Variants in CEACAM20 observed in about 807,000 individuals in gnomAD.
CEACAM20 encodes the protein cell adhesion molecule CEACAM20.
Under a neutral mutation model 61.2 loss-of-function variants are expected in CEACAM20, and 50 were observed. The ratio of observed to expected loss-of-function variants is 0.82; its 90% CI spans 0.65 to 1.03. CEACAM20 has a LOEUF of 1.03. CEACAM20 is among the 50% of genes least tolerant of loss of function. The pLI, the probability that CEACAM20 is intolerant of heterozygous loss-of-function variation, is 0.00. For synonymous variants in CEACAM20, 282 were observed against 287.7 expected (o/e 0.98, Z 0.20); for missense variants, 683 against 736.4 (o/e 0.93, Z 0.84).
At chr19:44,506,444 G>A (rs774177660) in intron 11 of CEACAM20, among the ~76,000 whole-genome samples, 5 of 152,142 alleles carry the variant, frequency 3.3e-5, no homozygotes, top group African/African-American at 4.8e-5. Flanking sequence ...CATAATCCCT[G>A]CCTCCTGGTA....
At position 44,520,335 on chromosome 19, in the gene CEACAM20, T is replaced by C. The variant is rs1232972269; in HGVS notation, c.1030+139A>G. 3.5e-6 allele frequency: 4 copies of C among 1,128,538 alleles called. No homozygotes were observed. In the African/African-American group the frequency reaches 4.7e-5, roughly 13 times the overall value. The allele number at this position is 1,128,538 out of a possible 1,614,324, so 69.9% of individuals were successfully genotyped here. A position where few individuals can be genotyped will look rare whatever the true frequency, so the allele number is the denominator to read the frequency against. On this transcript the variant is annotated intron_variant, in intron 5 of 11. Coordinates refer to ENST00000614924, the MANE Select transcript of CEACAM20 (RefSeq NM_001102597.3). ...CATAAGCCCCCTGAGGGCAGGCACT[T>C]GGCCCTGTCCAGTGCCCAGATTCAT...
chr19:44,507,362 A>C (rs1472226220), intron 11 of CEACAM20, among the ~76,000 whole-genome samples: 1 of 152,230 alleles, frequency 6.6e-6, no homozygotes, highest in Non-Finnish European at 1.5e-5. Flanking sequence ...AAAACTAAAC[A>C]TGATCCATAC....
In CEACAM20 at chr19:44,520,769, A is replaced by G. The variant is rs1269542454; in HGVS notation, c.752-17T>C. 1.9e-6 allele frequency: 3 copies of G among 1,606,644 alleles called. No individual in the cohort carries two copies. Among genetic ancestry groups the G allele is most frequent in the Non-Finnish European group, 1.7e-6 (2 of 1,176,434 alleles). On this transcript the variant is annotated splice_polypyrimidine_tract_variant and intron_variant, in intron 4 of 11. Coordinates refer to ENST00000614924, the MANE Select transcript of CEACAM20 (RefSeq NM_001102597.3). ...TCAGTGTTTCTGGAAACACGTGGAG[A>G]TACACAGTCAGGTTCAGGGAGATTT...
At chr19:44,508,710 G>C (rs1212818201) in intron 11 of CEACAM20, among the ~76,000 whole-genome samples, 1 of 152,074 alleles carries the variant, frequency 6.6e-6, no homozygotes, top group Non-Finnish European at 1.5e-5. Context: ...CTTTTTGAAT[G>C]ATGTAACTAA....
rs1240201219 is a variant in CEACAM20 at position 44,528,158 on chromosome 19, T to TTTTCTTTCTTTCTTTCC, written c.52+1299_52+1300insGGAAAGAAAGAAAGAAA. On this transcript the variant is annotated intron_variant, in intron 1 of 11. Transcript: ENST00000614924. ...TCTCTTTCTTTCTTTTCTTTCTTTC[T>TTTTCTTTCTTTCTTTCC]TTTCTTTCTTTCCTTTCTTTCTTTC... Among the ~76,000 whole-genome samples, 335 of 124,822 alleles carry TTTTCTTTCTTTCTTTCC rather than the reference T, an allele frequency of 2.7e-3. 8 individuals carry two copies. Among genetic ancestry groups the TTTTCTTTCTTTCTTTCC allele is most frequent in the African/African-American group, 8.7e-3 (310 of 35,540 alleles). 81.9% of individuals were successfully genotyped at this position (124,822 alleles called of 152,430 possible). A position where few individuals can be genotyped will look rare whatever the true frequency, so the allele number is the denominator to read the frequency against.
At chr19:44,506,401 C>T (rs977932694) in intron 11 of CEACAM20, among the ~76,000 whole-genome samples, 187 bp from the exon 12 acceptor site, 1 of 152,186 alleles carries the variant, frequency 6.6e-6, no homozygotes, top group Admixed American at 6.5e-5. Flanking sequence ...CATGTACTTC[C>T]CCACTGTGGT....
At position 44,506,191 on chromosome 19, in the gene CEACAM20, G is replaced by T; in HGVS notation, c.1761C>A (p.Asn587Lys). The T allele has an allele frequency of 2.5e-6, 4 of 1,613,852 alleles. No homozygotes were observed. Among genetic ancestry groups the T allele is most frequent in the African/African-American group, 1.3e-5 (1 of 75,026 alleles). ...CGGAGGGGTTGATTTGGATGTAAGT[G>T]TTGGGCTCTGGATTCACAAGCTCCT... ...IYEELVNPEP[N>K]TYIQINPSV The change falls in exon 12 of 12, where the codon AAC becomes AAA. Residue 587 changes from asparagine to lysine, a missense_variant. Coordinates refer to ENST00000614924, the MANE Select transcript of CEACAM20 (RefSeq NM_001102597.3).
At chr19:44,527,513 T>G (rs763761453) in intron 1 of CEACAM20, among the ~76,000 whole-genome samples, 3 of 152,030 alleles carry the variant, frequency 2.0e-5, no homozygotes, top group Non-Finnish European at 4.4e-5. Flanking sequence ...ATAAGTGAAA[T>G]GATGTAAGCA....
chr19:44,511,867 A>C (rs1971011005), intron 9 of CEACAM20, 150 bp downstream of exon 9: 1 of 879,580 alleles, frequency 1.1e-6, no homozygotes, highest in African/African-American at 1.7e-5. Flanking sequence ...GGGTCTTGAG[A>C]TCCTCAGAGA....
chr19:44,510,601 A>G lies in CEACAM20; in HGVS notation c.1737+429T>C, dbSNP rs1306642821. 8.8e-3 allele frequency among the ~76,000 whole-genome samples: 666 copies of G among 76,050 alleles called. 26 individuals are homozygous for G. The highest frequency in any genetic ancestry group is 0.043 in the African/African-American group (579 of 13,594). 49.9% of individuals were successfully genotyped at this position (76,050 alleles called of 152,430 possible). A position where few individuals can be genotyped will look rare whatever the true frequency, so the allele number is the denominator to read the frequency against. ...GAAAGAAAGAAAGAAAGAAAGAAAG[A>G]AAGAAAGAAAAAGGAAGGAAGGAAG... On this transcript the variant is annotated intron_variant, in intron 11 of 11. Coordinates refer to ENST00000614924, the MANE Select transcript of CEACAM20 (RefSeq NM_001102597.3).
intron 1 of CEACAM20, among the ~76,000 whole-genome samples, chr19:44,526,955 C>T (rs1971548883): frequency 6.6e-6 from 1 of 152,032 alleles, no homozygotes; most frequent in South Asian, 2.1e-4. Flanking sequence ...CGCAACTGAT[C>T]TCATCTCTCC....
intron 8 of CEACAM20, among the ~76,000 whole-genome samples, chr19:44,512,530 A>T (rs1316748412): frequency 6.6e-6 from 1 of 152,186 alleles, no homozygotes; most frequent in Non-Finnish European, 1.5e-5. Flanking sequence ...CTCTACTGAG[A>T]TATGTTATGA....
intron 11 of CEACAM20, among the ~76,000 whole-genome samples, chr19:44,509,403 T>C (rs564959081): frequency 6.7e-6 from 1 of 148,428 alleles, no homozygotes; most frequent in Admixed American, 6.7e-5. Flanking sequence ...TGCCATGGAA[T>C]ATAAAATAAT....
intron 6 of CEACAM20, among the ~76,000 whole-genome samples, chr19:44,513,614 T>G (rs1971075089): frequency 6.6e-6 from 1 of 151,722 alleles, no homozygotes; most frequent in Non-Finnish European, 1.5e-5. Flanking sequence ...TTTTTTGTAT[T>G]CTTTGGTAGA....
chr19:44,513,411 T>C, intron 6 of CEACAM20, 122 bp from the exon 7 acceptor site: 1 of 630,676 alleles, frequency 1.6e-6, no homozygotes, highest in Non-Finnish European at 2.7e-6. Context: ...TTCCAGTCGT[T>C]GGGAGGTATC....
In CEACAM20 at chr19:44,522,910, C is replaced by T. The variant is rs374407949; in HGVS notation, c.475G>A (p.Gly159Ser). Residue 159 changes from glycine (G) to serine (S), a missense_variant and splice_region_variant, in exon 4 of 12, where the codon GGT (glycine) becomes AGT (serine). By Grantham distance (56) the Gly-to-Ser change is moderately conservative. Coordinates refer to ENST00000614924, the MANE Select transcript of CEACAM20 (RefSeq NM_001102597.3). The stretch of plus-strand genomic sequence containing the variant: ...AATTTGATTTCAACAGGATCAGGAC[C>T]ATCTGAGAGGACAGGAACAATTACA... ...SDPIFLDVKYGPDPVEIKLES... is the reference protein window; with the variant it reads ...SDPIFLDVKYSPDPVEIKLES... 7 of 1,599,534 alleles carry T rather than the reference C, an allele frequency of 4.4e-6. No individual in the cohort carries two copies. In the Middle Eastern group the frequency reaches 4.9e-4, roughly 113 times the overall value.
intron 11 of CEACAM20, among the ~76,000 whole-genome samples, chr19:44,507,278 T>C (rs1373336637): frequency 6.6e-6 from 1 of 152,176 alleles, no homozygotes; most frequent in Non-Finnish European, 1.5e-5. Context: ...ATGGCTCCCC[T>C]ACGCAGACAC....
At chr19:44,511,365 C>A (rs1039563534) in intron 10 of CEACAM20, among the ~76,000 whole-genome samples, 18 of 152,316 alleles carry the variant, frequency 1.2e-4, no homozygotes, top group African/African-American at 4.3e-4. Flanking sequence ...TACTCCCAGC[C>A]TCCTTTTCAC....
chr19:44,528,174 T>C (rs1016383937), intron 1 of CEACAM20, among the ~76,000 whole-genome samples: 27 of 113,784 alleles, frequency 2.4e-4, no homozygotes, highest in Middle Eastern at 4.6e-3. Context: ...TTCTTTCCTT[T>C]CTTTCTTTCC....
Sources: allele counts gnomAD v4.1 joint callset (sites outside exome capture counted in the v4.1 genomes callset), GRCh38; gene constraint gnomAD v4.1.1; transcripts MANE v1.5; gene names NCBI Gene and HGNC (gene_info 2026-07-23, HGNC 2026-07-21).